The following TMEM232 variants were observed in gnomAD, a reference collection of about 807,000 sequenced individuals.
TMEM232 encodes the protein transmembrane protein 232.
In TMEM232, 80 loss-of-function variants were observed where a neutral mutation model predicts 78.8. The ratio of observed to expected loss-of-function variants is 1.01; its 90% CI spans 0.85 to 1.22. The LOEUF (loss-of-function observed/expected upper bound fraction) is 1.22, where lower values mean the gene tolerates loss of function less well. Among genes scored for constraint, TMEM232 ranks in the 50% most tolerant of loss-of-function variants. TMEM232 has a pLI of 0.00. For synonymous variants in TMEM232, 297 were observed against 254.3 expected, an observed-to-expected ratio of 1.17 and a Z score of -1.60; for missense variants, 881 against 742.2, an observed-to-expected ratio of 1.19 and a Z score of -2.17.
chr5:110,683,198 C>T (rs1444235776), intron 1 of TMEM232, among the ~76,000 whole-genome samples: 1 of 151,844 alleles, frequency 6.6e-6, no homozygotes, highest in Non-Finnish European at 1.5e-5. Flanking sequence ...TGAAAATATT[C>T]CAAAATTAGT....
intron 12 of TMEM232, among the ~76,000 whole-genome samples, chr5:110,484,651 C>A (rs189676404): frequency 6.6e-6 from 1 of 151,714 alleles, no homozygotes; most frequent in Admixed American, 6.6e-5. Context: ...CAAAATAGAG[C>A]GGGAGTGTCT....
intron 2 of TMEM232, among the ~76,000 whole-genome samples, chr5:110,413,861 A>G (rs1242179954): frequency 1.3e-5 from 2 of 152,224 alleles, no homozygotes; most frequent in Non-Finnish European, 2.9e-5. Flanking sequence ...TAAAGGGAAA[A>G]AAGACACTGT....
chr5:110,628,000 C>T, intron 5 of TMEM232, 120 bp from the exon 6 acceptor site: 1 of 729,568 alleles, frequency 1.4e-6, no homozygotes, highest in South Asian at 1.8e-5. Context: ...TTTAAACTCA[C>T]TCAATATTAT....
rs61730869 is a variant in TMEM232 at position 110,625,312 on chromosome 5, T to G, written c.723A>C (p.Arg241Ser). 1.9e-3 allele frequency: 2,936 copies of G among 1,546,378 alleles called. 55 individuals are homozygous for G. The African/African-American group carries it at 0.034, about 18-fold the overall frequency. Residue 241 changes from arginine to serine, a missense_variant, in exon 7 of 14, where the codon AGA becomes AGC. Physicochemically the swap from Arg to Ser is moderately radical, Grantham distance 110. Transcript: ENST00000455884. ...CATATCTTTTCTTATCTTCCACAGG[T>G]CTAAAAATGGATTCAGAACGGAGTT... ...KRELRSESIFRPVEDKKRYEN... is the reference protein window; with the variant it reads ...KRELRSESIFSPVEDKKRYEN...
intron 8 of TMEM232, among the ~76,000 whole-genome samples, chr5:110,608,982 C>A (rs1363056890): frequency 2.0e-5 from 3 of 151,970 alleles, no homozygotes; most frequent in African/African-American, 4.8e-5. Flanking sequence ...AGAAACTGAG[C>A]CAGAGTTTTA....
chr5:110,529,788 C>A (rs571165797), intron 11 of TMEM232, among the ~76,000 whole-genome samples: 1 of 152,202 alleles, frequency 6.6e-6, no homozygotes, highest in South Asian at 2.1e-4. Flanking sequence ...TTCTTTACTT[C>A]TTTTAAAGTG....
At chr5:110,700,770 G>A (rs201675468) in intron 1 of TMEM232, among the ~76,000 whole-genome samples, 13 of 131,242 alleles carry the variant, frequency 9.9e-5, no homozygotes, top group South Asian at 2.3e-4. Flanking sequence ...AGGTAGGTAG[G>A]TAGATAGATA....
In TMEM232 at chr5:110,524,392, AAAGAAAGAAAGAAAGAAAG is replaced by A. The variant is rs1323727359; in HGVS notation, c.1703+4177_1703+4195del. ...GAAAGAAAGAAAGAAAGAAAGAAAG[AAAGAAAGAAAGAAAGAAAG>A]AAAGAAAAGAAAAGAAAAGAAAAGA... On this transcript the variant is annotated intron_variant, in intron 12 of 13. Coordinates refer to ENST00000455884, the MANE Select transcript of TMEM232 (RefSeq NM_001039763.4). 7.9e-3 allele frequency among the ~76,000 whole-genome samples: 592 copies of A among 74,770 alleles called. 3 individuals carry two copies. Among genetic ancestry groups the A allele is most frequent in the African/African-American group, 0.037 (577 of 15,766 alleles). The allele number at this position is 74,770 out of a possible 152,430, so 49.1% of individuals were successfully genotyped here. A position where few individuals can be genotyped will look rare whatever the true frequency, so the allele number is the denominator to read the frequency against.
intron 1 of TMEM232, among the ~76,000 whole-genome samples, chr5:110,692,476 C>T (rs549156928): frequency 1.3e-5 from 2 of 152,244 alleles, no homozygotes; most frequent in South Asian, 2.1e-4. Context: ...TGCAGCACAC[C>T]GTGTGTGAGC....
chr5:110,524,409 AAGAAAGAAAAG>A (rs1770195609), intron 12 of TMEM232, among the ~76,000 whole-genome samples: 4 of 44,248 alleles, frequency 9.0e-5, no homozygotes, highest in South Asian at 7.2e-4. Context: ...GAAAGAAAGA[AAGAAAGAAAAG>A]AAAAGAAAAG....
chr5:110,534,068 A>G (rs566081459), intron 11 of TMEM232, among the ~76,000 whole-genome samples: 1 of 152,266 alleles, frequency 6.6e-6, no homozygotes, highest in South Asian at 2.1e-4. Context: ...AGCTTTACTC[A>G]ACATGCCCCA....
intron 11 of TMEM232, among the ~76,000 whole-genome samples, chr5:110,536,083 T>A (rs1361655742): frequency 3.3e-5 from 5 of 152,234 alleles, no homozygotes; most frequent in Admixed American, 3.3e-4. Context: ...CCTTTTGCTA[T>A]CTGCTCCATA....
Position 110,661,816 on chromosome 5 carries a change from T to C in TMEM232, c.125+5412A>G, listed in dbSNP as rs554246154. ...CCACATCCTCACCAGCATCCATTAC[T>C]GTCTTTCTAATAAACGCCAGTTTAG... On this transcript the variant is annotated intron_variant, in intron 2 of 13. Coordinates refer to ENST00000455884, the MANE Select transcript of TMEM232 (RefSeq NM_001039763.4). 5.3e-5 allele frequency among the ~76,000 whole-genome samples: 8 copies of C among 152,350 alleles called. No homozygotes were observed. In the East Asian group the frequency reaches 1.5e-3, roughly 29 times the overall value.
At chr5:110,499,601 A>C (rs1765998873) in intron 12 of TMEM232, among the ~76,000 whole-genome samples, 1 of 148,456 alleles carries the variant, frequency 6.7e-6, no homozygotes, top group African/African-American at 2.6e-5. Context: ...GTGAAAGGAA[A>C]AGAGAGGGGA....
chr5:110,649,234 A>G (rs1787951503), intron 2 of TMEM232, among the ~76,000 whole-genome samples: 1 of 152,120 alleles, frequency 6.6e-6, no homozygotes, highest in African/African-American at 2.4e-5. Context: ...GGAGAGTAAA[A>G]ACAGTTAAGG....
At chr5:110,508,340 T>C (rs1023029853) in intron 12 of TMEM232, among the ~76,000 whole-genome samples, 6 of 151,896 alleles carry the variant, frequency 4.0e-5, no homozygotes, top group African/African-American at 1.5e-4. Context: ...ATGATTAGTG[T>C]TGGATGTAGA....
intron 10 of TMEM232, among the ~76,000 whole-genome samples, chr5:110,597,994 G>A (rs9716626): frequency 6.6e-6 from 1 of 151,950 alleles, no homozygotes; most frequent in Non-Finnish European, 1.5e-5. Flanking sequence ...AATGGCAACA[G>A]AAGCCAAAAT....
At chr5:110,601,267 C>T (rs935338971) in intron 10 of TMEM232, among the ~76,000 whole-genome samples, 4 of 152,270 alleles carry the variant, frequency 2.6e-5, no homozygotes, top group Admixed American at 6.5e-5. Flanking sequence ...TCTTTTACCA[C>T]TCCTATTCAA....
At chr5:110,700,634 A>G (rs944264803) in intron 1 of TMEM232, among the ~76,000 whole-genome samples, 3 of 151,974 alleles carry the variant, frequency 2.0e-5, no homozygotes, top group Admixed American at 1.3e-4. Flanking sequence ...CACAGAAATT[A>G]ACAAGAATAA....
Sources: gnomAD v4.1 joint callset for allele counts (sites outside exome capture counted in the v4.1 genomes callset) on GRCh38, gnomAD v4.1.1 for gene constraint, MANE v1.5 for transcripts, NCBI Gene and HGNC (gene_info 2026-07-23, HGNC 2026-07-21) for gene names.